The following KHDRBS2 variants were observed in gnomAD, a reference collection of about 807,000 sequenced individuals.
KHDRBS2 encodes the protein KH RNA binding domain containing, signal transduction associated 2.
A neutral mutation model predicts 44.3 loss-of-function variants in KHDRBS2; 26 were observed. The ratio of observed to expected loss-of-function variants is 0.59; its 90% confidence interval spans 0.43 to 0.81. KHDRBS2 has a LOEUF of 0.81. Among genes scored for constraint, KHDRBS2 ranks in the 40% least tolerant of loss-of-function variants. The probability of loss-of-function intolerance (pLI) is 0.00; values close to 1 mark genes in which losing one functional copy is unlikely to be tolerated. For synonymous variants in KHDRBS2, 194 were observed against 151.1 expected, an observed-to-expected ratio of 1.28 and a Z score of -2.08; for missense variants, 476 against 433.1, an observed-to-expected ratio of 1.10 and a Z score of -0.88.
the KHDRBS2 span, among the ~76,000 whole-genome samples, chr6:61,634,770 T>G: frequency 6.6e-6 from 1 of 152,108 alleles, no homozygotes; most frequent in African/African-American, 2.4e-5. Flanking sequence ...TTTCCATTTC[T>G]GTAGTCACTG....
At chr6:62,167,456 C>A (rs889818720) in intron 2 of KHDRBS2, among the ~76,000 whole-genome samples, 1 of 152,066 alleles carries the variant, frequency 6.6e-6, no homozygotes, top group African/African-American at 2.4e-5. Flanking sequence ...AAATTCTAGA[C>A]ATAATACCAC....
intron 4 of KHDRBS2, among the ~76,000 whole-genome samples, chr6:61,945,488 A>T (rs1813179080): frequency 6.6e-6 from 1 of 152,012 alleles, no homozygotes; most frequent in African/African-American, 2.4e-5. Flanking sequence ...TACAAACGGC[A>T]CAACTTAAAC....
At chr6:62,110,687 C>T (rs150977203) in intron 2 of KHDRBS2, among the ~76,000 whole-genome samples, 104 of 152,000 alleles carry the variant, frequency 6.8e-4, no homozygotes, top group Middle Eastern at 3.4e-3. Context: ...TACTGAAAAG[C>T]GAAACAGTGT....
chr6:62,227,934 T>C (rs1210796987), intron 1 of KHDRBS2, among the ~76,000 whole-genome samples: 3 of 152,188 alleles, frequency 2.0e-5, no homozygotes, highest in Non-Finnish European at 2.9e-5. Flanking sequence ...CAGTATTTTG[T>C]TGAGGATATT....
At chr6:61,990,878 T>C (rs1270143497) in intron 3 of KHDRBS2, among the ~76,000 whole-genome samples, 1 of 152,040 alleles carries the variant, frequency 6.6e-6, no homozygotes, top group African/African-American at 2.4e-5. Flanking sequence ...CCCAGTTAAT[T>C]TTTTGTATTT....
Position 62,179,509 on chromosome 6 carries a change from G to C in KHDRBS2, c.92-2197C>G, listed in dbSNP as rs1213930178. Among the ~76,000 whole-genome samples the C allele has an allele frequency of 2.0e-5, 3 of 151,638 alleles. No homozygotes were observed. The East Asian group carries it at 5.8e-4, about 29-fold the overall frequency. ...AGAAAATCCATTCATCATGTCCTCT[G>C]ATACTAAGAATAAACTTTTGATCAC... On this transcript the variant is annotated intron_variant, in intron 1 of 8. Coordinates refer to ENST00000281156, the MANE Select transcript of KHDRBS2 (RefSeq NM_152688.4).
the KHDRBS2 span, among the ~76,000 whole-genome samples, chr6:61,600,214 A>G: frequency 1.3e-5 from 2 of 152,190 alleles, no homozygotes; most frequent in Non-Finnish European, 2.9e-5. Flanking sequence ...AAGCTAAGCC[A>G]TCATATCCCT....
At chr6:61,658,444 T>C in the KHDRBS2 span, among the ~76,000 whole-genome samples, 1 of 151,896 alleles carries the variant, frequency 6.6e-6, no homozygotes, top group African/African-American at 2.4e-5. Flanking sequence ...ATTCAAATCC[T>C]ATCTCTTCTC....
At chr6:62,245,582 T>G (rs1341113520) in intron 1 of KHDRBS2, among the ~76,000 whole-genome samples, 1 of 152,092 alleles carries the variant, frequency 6.6e-6, no homozygotes, top group African/African-American at 2.4e-5. Context: ...CTTTAAAAGA[T>G]TCAATATATT....
chr6:61,585,456 A>C, the KHDRBS2 span, among the ~76,000 whole-genome samples: 1 of 152,070 alleles, frequency 6.6e-6, no homozygotes, highest in Non-Finnish European at 1.5e-5. Flanking sequence ...ATTATAGTAC[A>C]TGCTAACTAT....
intron 6 of KHDRBS2, among the ~76,000 whole-genome samples, chr6:61,751,847 C>T (rs1455788067): frequency 6.6e-6 from 1 of 152,054 alleles, no homozygotes; most frequent in Non-Finnish European, 1.5e-5. Context: ...TGTCACACAG[C>T]TTGTTTGATT....
chr6:61,859,224 A>G (rs1487069832), intron 6 of KHDRBS2, among the ~76,000 whole-genome samples: 1 of 151,922 alleles, frequency 6.6e-6, no homozygotes, highest in Non-Finnish European at 1.5e-5. Context: ...TAATGACTCC[A>G]AGTTTTTCCT....
At chr6:62,166,330 T>C (rs1234815209) in intron 2 of KHDRBS2, among the ~76,000 whole-genome samples, 1 of 152,024 alleles carries the variant, frequency 6.6e-6, no homozygotes, top group African/African-American at 2.4e-5. Flanking sequence ...TTCCAATTGG[T>C]ATTCACAAGT....
the KHDRBS2 span, among the ~76,000 whole-genome samples, chr6:61,641,119 C>T: frequency 1.3e-5 from 2 of 152,114 alleles, no homozygotes; most frequent in Non-Finnish European, 2.9e-5. Context: ...TAAGCTCTTC[C>T]CTCCATTGTC....
chr6:62,131,456 G>T (rs1042684923), intron 2 of KHDRBS2, among the ~76,000 whole-genome samples: 31 of 152,192 alleles, frequency 2.0e-4, no homozygotes, highest in Admixed American at 1.5e-3. Flanking sequence ...CCCATGTGAA[G>T]CTAGCAGCAT....
At chr6:61,661,545 T>C in the KHDRBS2 span, among the ~76,000 whole-genome samples, 1 of 151,932 alleles carries the variant, frequency 6.6e-6, no homozygotes, top group Non-Finnish European at 1.5e-5. Flanking sequence ...TTAAGGGCTT[T>C]TTATATTATG....
intron 2 of KHDRBS2, among the ~76,000 whole-genome samples, chr6:62,169,173 A>ATC (rs1329223720): frequency 7.4e-6 from 1 of 135,414 alleles, no homozygotes; most frequent in African/African-American, 2.8e-5. Flanking sequence ...ACATATATGT[A>ATC]TATATGTATA....
intron 8 of KHDRBS2, among the ~76,000 whole-genome samples, chr6:61,687,773 T>C (rs1463694341): frequency 1.3e-5 from 2 of 151,922 alleles, no homozygotes; most frequent in Non-Finnish European, 2.9e-5. Context: ...TATATTCTAA[T>C]TGTGAACTCA....
chr6:62,204,348 G>T (rs748016471), intron 1 of KHDRBS2, among the ~76,000 whole-genome samples: 10 of 152,138 alleles, frequency 6.6e-5, no homozygotes, highest in Non-Finnish European at 1.5e-4. Flanking sequence ...ACTGATTCAT[G>T]AAATCCATGG....
Sources: gnomAD v4.1 joint callset for allele counts (sites outside exome capture counted in the v4.1 genomes callset) on GRCh38, gnomAD v4.1.1 for gene constraint, MANE v1.5 for transcripts, NCBI Gene and HGNC (gene_info 2026-07-23, HGNC 2026-07-21) for gene names.